FBXO6: variants seen among roughly 807,000 people sequenced by gnomAD.
FBXO6 encodes the protein F-box protein 6, also known as F-box only protein 6.
Under a neutral mutation model 25.0 loss-of-function variants are expected in FBXO6, and 13 were observed. The ratio of observed to expected loss-of-function variants is 0.52; its 90% confidence interval spans 0.34 to 0.83. The LOEUF (loss-of-function observed/expected upper bound fraction) is 0.83, where lower values mean the gene tolerates loss of function less well. FBXO6 is among the 40% of genes least tolerant of loss of function. The probability of loss-of-function intolerance (pLI) is 0.02; values close to 1 mark genes in which losing one functional copy is unlikely to be tolerated. For missense variants in FBXO6, 370 were observed against 380.2 expected (o/e 0.97, Z 0.22); for synonymous variants, 138 against 155.3 (o/e 0.89, Z 0.83).
rs375516225 is a variant in FBXO6 at position 11,673,287 on chromosome 1, A to G, written c.520A>G (p.Arg174Gly). 4 of 1,613,068 alleles carry G rather than the reference A, an allele frequency of 2.5e-6. No homozygotes were observed. The African/African-American group carries it at 5.3e-5, about 22-fold the overall frequency. Residue 174 changes from arginine (R) to glycine (G), a missense_variant, in exon 5 of 6, where the codon AGA (arginine) becomes GGA (glycine). By Grantham distance (125) the Arg-to-Gly change is moderately radical. Transcript: ENST00000376753. The surrounding 1 kb of genome is among the most constrained non-coding windows in gnomAD (Gnocchi z 4.3). Reference sequence around the variant, plus strand: ...CAACCCCTCCACCAGGTTTGCTGCCAGAGCCGACTGTGGCTGCACCTACCA... The same window carrying G: ...CAACCCCTCCACCAGGTTTGCTGCCGGAGCCGACTGTGGCTGCACCTACCA... ...DIVVKDWFAA[R>G]ADCGCTYQLK...
rs570927903 is a variant in FBXO6, at chr1:11,671,846, A to G, written c.414-82A>G. 5.5e-5 allele frequency: 71 copies of G among 1,286,870 alleles called. No individual in the cohort carries two copies. The African/African-American group carries it at 1.1e-3, about 20-fold the overall frequency. 79.7% of individuals were successfully genotyped at this position (1,286,870 alleles called of 1,614,324 possible). A position where few individuals can be genotyped will look rare whatever the true frequency, so the allele number is the denominator to read the frequency against. On this transcript the variant is annotated intron_variant, in intron 3 of 5. Transcript: ENST00000376753. The stretch of plus-strand genomic sequence containing the variant: ...GTCCCCAAACCACCTCCCTGGGCTC[A>G]CAGGGGCTGCCAAGGCCTGGGTGAG...
chr1:11,669,339 T>C (rs1448729255), intron 2 of FBXO6, among the ~76,000 whole-genome samples: 2 of 152,050 alleles, frequency 1.3e-5, no homozygotes, highest in African/African-American at 4.8e-5. Context: ...GGCCCACGCC[T>C]ACAATTCCCA....
chr1:11,671,511 G>T, intron 3 of FBXO6, 119 bp downstream of exon 3: 1 of 1,453,388 alleles, frequency 6.9e-7, no homozygotes, highest in Non-Finnish European at 9.3e-7. Flanking sequence ...CGAGGGAGGT[G>T]GCCCCAAAAC....
rs987148842 is a variant in FBXO6 at position 11,674,289 on chromosome 1, G to A, written c.*438G>A. ...ACTGCACTCCAGCCTGGGTGACAGA[G>A]CGAGACTCTGGCTCATAAAATAATA... On this transcript the variant is annotated 3_prime_UTR_variant, in exon 6 of 6. Coordinates refer to ENST00000376753, the MANE Select transcript of FBXO6 (RefSeq NM_018438.6). This position sits in a 1 kb window ranked among gnomAD's most constrained non-coding sequence, Gnocchi z 6.1. The A allele has an allele frequency of 1.3e-5, 2 of 154,576 alleles. No homozygotes were observed. The highest frequency in any genetic ancestry group is 4.8e-5 in the African/African-American group (2 of 41,490). The allele number at this position is 154,576 out of a possible 1,614,324, so 9.6% of individuals were successfully genotyped here.
Position 11,668,757 on chromosome 1 carries a change from GCTGCTGAACTGCCGCCTGGT to G in FBXO6, c.104_123del (p.Leu35GlnfsTer45). On this transcript the variant is annotated frameshift_variant, in exon 2 of 6. Transcript: ENST00000376753. LOFTEE classifies it high-confidence loss of function. Reference sequence around the variant, plus strand: ...TCACGCACGTGCCCGCCCGCCAGCTGCTGCTGAACTGCCGCCTGGTCTGCAGCCTCTGGCGGGACCTCATC... The same window carrying G: ...TCACGCACGTGCCCGCCCGCCAGCTGCTGCAGCCTCTGGCGGGACCTCATC... The G allele has an allele frequency of 6.2e-7, 1 of 1,614,050 alleles. No individual in the cohort carries two copies. Among genetic ancestry groups the G allele is most frequent in the African/African-American group, 1.3e-5 (1 of 75,050 alleles).
intron 1 of FBXO6, among the ~76,000 whole-genome samples, chr1:11,665,042 CATTTATTT>C (rs1553166525): frequency 1.3e-5 from 2 of 150,576 alleles, no homozygotes; most frequent in Admixed American, 6.6e-5. Context: ...AAGCTGCCAG[CATTTATTT>C]ATTTATTTAT....
rs777980415 is a variant in FBXO6 at position 11,673,418 on chromosome 1, G to A, written c.645+6G>A. The A allele has an allele frequency of 3.7e-6, 6 of 1,613,532 alleles. No individual in the cohort carries two copies. Among genetic ancestry groups the A allele is most frequent in the Non-Finnish European group, 3.4e-6 (4 of 1,179,828 alleles). Reference sequence around the variant, plus strand: ...ACAATGCCACATGGACAGAGGTGAGGCCTCACCCACTTGCTCTCTCTACCC... The same window carrying A: ...ACAATGCCACATGGACAGAGGTGAGACCTCACCCACTTGCTCTCTCTACCC... On this transcript the variant is annotated splice_donor_region_variant and intron_variant, in intron 5 of 5. Coordinates refer to ENST00000376753, the MANE Select transcript of FBXO6 (RefSeq NM_018438.6). The surrounding 1 kb of genome is among the most constrained non-coding windows in gnomAD (Gnocchi z 4.3).
chr1:11,674,097 G>C lies in FBXO6; in HGVS notation c.*246G>C. On this transcript the variant is annotated 3_prime_UTR_variant, in exon 6 of 6. Coordinates refer to ENST00000376753, the MANE Select transcript of FBXO6 (RefSeq NM_018438.6). This position sits in a 1 kb window ranked among gnomAD's most constrained non-coding sequence, Gnocchi z 6.1. ...AGGCAGGTGGATCACGAGGTCAGGA[G>C]ATAGAGACCATCCTGGCCAACACGG... 2.2e-6 allele frequency: 1 copy of C among 459,162 alleles called. No individual in the cohort carries two copies. Among genetic ancestry groups the C allele is most frequent in the South Asian group, 2.1e-5 (1 of 47,574 alleles). 28.4% of individuals were successfully genotyped at this position (459,162 alleles called of 1,614,324 possible).
rs376474651 is a variant in FBXO6, at chr1:11,669,405, G to A, written c.286+461G>A. Reference sequence around the variant, plus strand: ...CTTGAACCTGGGAGGCAGAGGTTGCGGTGAGCCGAGATGGCTCCATTGCAC... The same window carrying A: ...CTTGAACCTGGGAGGCAGAGGTTGCAGTGAGCCGAGATGGCTCCATTGCAC... On this transcript the variant is annotated intron_variant, in intron 2 of 5. Coordinates refer to ENST00000376753, the MANE Select transcript of FBXO6 (RefSeq NM_018438.6). Among the ~76,000 whole-genome samples, 25 of 151,958 alleles carry A rather than the reference G, an allele frequency of 1.6e-4. 3 individuals are homozygous for A. The highest frequency in any genetic ancestry group is 3.4e-3 in the Middle Eastern group (1 of 290).
rs1034435390 is a variant in FBXO6 at position 11,673,646 on chromosome 1, G to A, written c.677G>A (p.Gly226Asp). The A allele has an allele frequency of 5.6e-6, 9 of 1,613,946 alleles. No homozygotes were observed. The highest frequency in any genetic ancestry group is 1.3e-5 in the African/African-American group (1 of 74,894). The change falls in exon 6 of 6, where the codon GGT becomes GAT. Residue 226 changes from glycine to aspartate, a missense_variant. By Grantham distance (94) the Gly-to-Asp change is moderately conservative (BLOSUM62 -1). Coordinates refer to ENST00000376753, the MANE Select transcript of FBXO6 (RefSeq NM_018438.6). The surrounding 1 kb of genome is among the most constrained non-coding windows in gnomAD (Gnocchi z 4.3). ...VSYTFSDYPRGVRYILFQHGG... is the reference protein window; with the variant it reads ...VSYTFSDYPRDVRYILFQHGG... ...TACACCTTCTCAGACTACCCCCGGG[G>A]TGTCCGCTACATCCTCTTCCAGCAT...
Position 11,673,582 on chromosome 1 carries a change from C to T in FBXO6, c.646-33C>T, listed in dbSNP as rs773187786. The T allele has an allele frequency of 1.6e-5, 25 of 1,599,526 alleles. No individual in the cohort carries two copies. The highest frequency in any genetic ancestry group is 1.0e-4 in the Admixed American group (6 of 59,676). ...GCTCCTGCCTTCCCCTCCCCCGTCC[C>T]GGTGGTCACTTCCTCTCCCTTCCTC... On this transcript the variant is annotated intron_variant, in intron 5 of 5. Coordinates refer to ENST00000376753, the MANE Select transcript of FBXO6 (RefSeq NM_018438.6). This position sits in a 1 kb window ranked among gnomAD's most constrained non-coding sequence, Gnocchi z 4.3.
At position 11,671,247 on chromosome 1, in the gene FBXO6, T is replaced by G. The variant is rs1640607587; in HGVS notation, c.287-19T>G. ...TGGATTTACACAGGGGGTCTCACCT[T>G]GGCTTCTGTTCTTCCTAGAGGATAT... On this transcript the variant is annotated intron_variant, in intron 2 of 5. Transcript: ENST00000376753. 6.2e-7 allele frequency: 1 copy of G among 1,611,600 alleles called. No individual in the cohort carries two copies. Among genetic ancestry groups the G allele is most frequent in the East Asian group, 2.2e-5 (1 of 44,814 alleles).
Position 11,668,785 on chromosome 1 carries a change from C to G in FBXO6, c.127C>G (p.Leu43Val). 3 of 1,614,126 alleles carry G rather than the reference C, an allele frequency of 1.9e-6. No homozygotes were observed. Among genetic ancestry groups the G allele is most frequent in the Non-Finnish European group, 2.5e-6 (3 of 1,180,024 alleles). The change falls in exon 2 of 6, where the codon CTC becomes GTC. Residue 43 changes from leucine (L) to valine (V), a missense_variant. By Grantham distance (32) the Leu-to-Val change is conservative (BLOSUM62 1). Transcript: ENST00000376753. ...LLLNCRLVCS[L>V]WRDLIDLMTL... is the part of the protein sequence containing the mutation. ...GCTGAACTGCCGCCTGGTCTGCAGC[C>G]TCTGGCGGGACCTCATCGACCTCAT...
chr1:11,667,665 C>T (rs1250280961), intron 1 of FBXO6, among the ~76,000 whole-genome samples: 3 of 152,070 alleles, frequency 2.0e-5, no homozygotes, highest in Non-Finnish European at 2.9e-5. Context: ...AGCCGGGTGC[C>T]GTGGGGGATT....
At chr1:11,672,121 C>G in intron 4 of FBXO6, 98 bp downstream of exon 4, 3 of 1,111,708 alleles carry the variant, frequency 2.7e-6, no homozygotes, top group Non-Finnish European at 4.0e-6. Context: ...CCACTCTGCA[C>G]AGCAGTGCCC....
chr1:11,666,037 CTTTTT>C (rs70983580), intron 1 of FBXO6, among the ~76,000 whole-genome samples: 4 of 97,370 alleles, frequency 4.1e-5, no homozygotes, highest in Middle Eastern at 7.4e-3. Context: ...TTTCTTTTCT[CTTTTT>C]TTTTTTTTTT....
rs536798247 is a variant in FBXO6, at chr1:11,669,860, T to C, written c.286+916T>C. On this transcript the variant is annotated intron_variant, in intron 2 of 5. Transcript: ENST00000376753. ...CCATGTTGGCCAGGCTGGTCTCGAA[T>C]TCCTGACCTCAGGTGATCTGCCTGC... Among the ~76,000 whole-genome samples the C allele has an allele frequency of 7.6e-3, 1,116 of 147,708 alleles. 3 individuals carry two copies. The highest frequency in any genetic ancestry group is 0.013 in the Non-Finnish European group (864 of 66,566).
intron 2 of FBXO6, among the ~76,000 whole-genome samples, chr1:11,670,859 G>A (rs1640598166): frequency 6.6e-6 from 1 of 152,222 alleles, no homozygotes; most frequent in Non-Finnish European, 1.5e-5. Context: ...TGGAAGTGAG[G>A]AAGGGGTTGG....
intron 1 of FBXO6, among the ~76,000 whole-genome samples, chr1:11,668,401 G>GCT (rs532370240): frequency 3.5e-5 from 5 of 142,628 alleles, no homozygotes; most frequent in African/African-American, 1.0e-4. Flanking sequence ...TCTTTTGTGG[G>GCT]TTTTTTTTTT....
Sources: allele counts gnomAD v4.1 joint callset (sites outside exome capture counted in the v4.1 genomes callset), GRCh38; gene constraint gnomAD v4.1.1; non-coding constraint Gnocchi (gnomAD v3.1); transcripts MANE v1.5; gene names NCBI Gene and HGNC (gene_info 2026-07-23, HGNC 2026-07-21).